Variants in COL4A3 observed in about 807,000 individuals in gnomAD.
COL4A3 encodes collagen type IV alpha 3 chain, also known as collagen alpha-3(IV) chain.
Under a neutral mutation model 217.4 loss-of-function variants are expected in COL4A3, and 135 were observed. That is an observed-to-expected ratio of 0.62 (90% confidence interval 0.54 to 0.72). The LOEUF is 0.72. COL4A3 is among the 30% of genes least tolerant of loss of function. The pLI, the probability that COL4A3 is intolerant of heterozygous loss-of-function variation, is 0.00. For synonymous variants in COL4A3, 690 were observed against 736.3 expected (o/e 0.94, Z 1.02); for missense variants, 1,868 against 2,119.9 (o/e 0.88, Z 2.33).
chr2:227,210,104 G>C (rs2067255041), intron 1 of COL4A3, among the ~76,000 whole-genome samples: 1 of 152,208 alleles, frequency 6.6e-6, no homozygotes, highest in African/African-American at 2.4e-5. Flanking sequence ...AAAGCTATCT[G>C]TGTTATTTAT....
chr2:227,309,176 C>T (rs988301281), intron 49 of COL4A3, 28 bp from the exon 50 acceptor site: 1 of 1,611,416 alleles, frequency 6.2e-7, no homozygotes, highest in African/African-American at 1.3e-5. Flanking sequence ...AGTGGCAATG[C>T]CGCCATAGTC....
chr2:227,294,294 G>A (rs150696049), intron 38 of COL4A3, 196 bp from the exon 39 acceptor site: 2 of 613,194 alleles, frequency 3.3e-6, no homozygotes, highest in East Asian at 2.8e-5. Context: ...CTTTGAAAGT[G>A]ATTAGACACA....
At chr2:227,306,655 GA>G (rs1316190248) in intron 47 of COL4A3, among the ~76,000 whole-genome samples, 1 of 151,978 alleles carries the variant, frequency 6.6e-6, no homozygotes, top group Non-Finnish European at 1.5e-5. Context: ...AGAGAAAATT[GA>G]AAAAATGCAT....
At chr2:227,204,826 G>A (rs1359496933) in intron 1 of COL4A3, among the ~76,000 whole-genome samples, 3 of 152,188 alleles carry the variant, frequency 2.0e-5, no homozygotes, top group African/African-American at 7.2e-5. Context: ...AATGTCAAGT[G>A]TGTTTGTGAA....
At chr2:227,180,966 T>G (rs1467264816) in intron 1 of COL4A3, among the ~76,000 whole-genome samples, 2 of 152,218 alleles carry the variant, frequency 1.3e-5, no homozygotes, top group Non-Finnish European at 2.9e-5. Flanking sequence ...ATTTGAAACA[T>G]CAGCAGAAAT....
At chr2:227,304,945 C>T in intron 46 of COL4A3, 40 bp from the exon 47 acceptor site, 1 of 1,533,854 alleles carries the variant, frequency 6.5e-7, no homozygotes, top group Admixed American at 1.7e-5. Flanking sequence ...ACTTTTCATC[C>T]TATATGATAA....
chr2:227,301,342 A>G (rs1298968861), intron 43 of COL4A3, among the ~76,000 whole-genome samples: 1 of 152,196 alleles, frequency 6.6e-6, no homozygotes, highest in Non-Finnish European at 1.5e-5. Context: ...GTAAATACAG[A>G]ACATCTATGG....
chr2:227,171,184 T>G (rs1305089313), intron 1 of COL4A3, among the ~76,000 whole-genome samples: 1 of 152,230 alleles, frequency 6.6e-6, no homozygotes, highest in Admixed American at 6.5e-5. Flanking sequence ...ACAATCCCCT[T>G]TCTTTTCCCT....
intron 1 of COL4A3, among the ~76,000 whole-genome samples, chr2:227,183,547 A>G (rs1193461703): frequency 6.6e-6 from 1 of 152,172 alleles, no homozygotes; most frequent in Non-Finnish European, 1.5e-5. Flanking sequence ...GGGGGCATAC[A>G]GGTAGAAGAT....
At chr2:227,280,732 T>G in intron 30 of COL4A3, 142 bp downstream of exon 30, 2 of 1,159,612 alleles carry the variant, frequency 1.7e-6, no homozygotes, top group Non-Finnish European at 2.6e-6. Context: ...CCTTCTTCCT[T>G]CCTTCTTTTT....
intron 37 of COL4A3, among the ~76,000 whole-genome samples, chr2:227,292,405 A>C (rs2072796574): frequency 6.6e-6 from 1 of 152,176 alleles, no homozygotes; most frequent in South Asian, 2.1e-4. Context: ...TTGACTTCAC[A>C]CTCAATTAAC....
chr2:227,280,617 C>G, intron 30 of COL4A3, 27 bp downstream of exon 30: 1 of 1,612,808 alleles, frequency 6.2e-7, no homozygotes, highest in Non-Finnish European at 8.5e-7. Context: ...CATTACTTTT[C>G]TCCACTGTGA....
chr2:227,277,466 G>A lies in COL4A3; in HGVS notation c.2038G>A (p.Gly680Arg). Residue 680 changes from glycine to arginine, a missense_variant, in exon 28 of 52, where the codon GGG becomes AGG. By Grantham distance (125) the Gly-to-Arg change is moderately radical. This residue lies in a region of COL4A3 where 1,503 missense variants were observed against 1,786.1 expected (regional missense o/e 0.84). Transcript: ENST00000396578. ...TTTCTAAGGTATCCCTGGATCCCTGGGGAAATGTGGAGATCCTGGTCTTCC... is the reference window on the plus strand; with the variant it reads ...TTTCTAAGGTATCCCTGGATCCCTGAGGAAATGTGGAGATCCTGGTCTTCC... ...QGPPGIPGSL[G>R]KCGDPGLPGP... 1 of 1,611,790 alleles carries A rather than the reference G, an allele frequency of 6.2e-7. No individual in the cohort carries two copies. The highest frequency in any genetic ancestry group is 8.5e-7 in the Non-Finnish European group (1 of 1,178,818).
At chr2:227,171,891 A>G (rs2065486541) in intron 1 of COL4A3, among the ~76,000 whole-genome samples, 1 of 152,146 alleles carries the variant, frequency 6.6e-6, no homozygotes, top group Admixed American at 6.5e-5. Context: ...CCTTTAACTT[A>G]GGGTTTTTAT....
Position 227,254,224 on chromosome 2 carries a change from T to C in COL4A3, c.828+50T>C, listed in dbSNP as rs113079601. On this transcript the variant is annotated intron_variant, in intron 14 of 51. Coordinates refer to ENST00000396578, the MANE Select transcript of COL4A3 (RefSeq NM_000091.5). ...CCCCATAACACATAAAGTAGAGCCT[T>C]AGTATTTACTTTGATGTGTGTTTTG... The C allele has an allele frequency of 5.2e-4, 781 of 1,506,322 alleles. 4 individuals are homozygous for C. In the African/African-American group the frequency reaches 9.6e-3, roughly 19 times the overall value. 93.3% of individuals were successfully genotyped at this position (1,506,322 alleles called of 1,614,324 possible). A position where few individuals can be genotyped will look rare whatever the true frequency, so the allele number is the denominator to read the frequency against.
intron 1 of COL4A3, among the ~76,000 whole-genome samples, chr2:227,189,581 G>A (rs2066153369): frequency 6.6e-6 from 1 of 152,172 alleles, no homozygotes; most frequent in African/African-American, 2.4e-5. Flanking sequence ...TCGGTAAAAA[G>A]CCTGTCCATT....
Position 227,282,949 on chromosome 2 carries a change from G to A in COL4A3, c.2656+417G>A, listed in dbSNP as rs1168426495. On this transcript the variant is annotated intron_variant, in intron 32 of 51. Transcript: ENST00000396578. This position sits in a 1 kb window ranked among gnomAD's most constrained non-coding sequence, Gnocchi z 4.4. ...CTGGAACAGTTTGTGAAGAATCGAC[G>A]CTCTTTAAACATTTGGTAGAATTCA... Among the ~76,000 whole-genome samples the A allele has an allele frequency of 6.6e-6, 1 of 152,132 alleles. No homozygotes were observed. Among genetic ancestry groups the A allele is most frequent in the South Asian group, 2.1e-4 (1 of 4,828 alleles).
chr2:227,287,778 T>C (rs1161580973), intron 34 of COL4A3, among the ~76,000 whole-genome samples: 5 of 152,336 alleles, frequency 3.3e-5, no homozygotes, highest in South Asian at 4.2e-4. Context: ...CTGTAGTATA[T>C]TGTGCCCAAC....
At position 227,244,380 on chromosome 2, in the gene COL4A3, A is replaced by G. The variant is rs776774898; in HGVS notation, c.279+16A>G. ...AGGTGTAAGGGTTAGTAGTCCAACC[A>G]GTCCACCCTGATCGTTAAAAGATCA... On this transcript the variant is annotated intron_variant, in intron 4 of 51. Coordinates refer to ENST00000396578, the MANE Select transcript of COL4A3 (RefSeq NM_000091.5). 3 of 1,612,406 alleles carry G rather than the reference A, an allele frequency of 1.9e-6. No individual in the cohort carries two copies. Among genetic ancestry groups the G allele is most frequent in the Admixed American group, 1.7e-5 (1 of 59,992 alleles).
Sources: gnomAD v4.1 joint callset for allele counts (sites outside exome capture counted in the v4.1 genomes callset) on GRCh38, gnomAD v4.1.1 for gene constraint, gnomAD v4.1.1 regional missense constraint, Gnocchi (gnomAD v3.1) non-coding constraint, MANE v1.5 for transcripts, NCBI Gene and HGNC (gene_info 2026-07-23, HGNC 2026-07-21) for gene names.